The following NLRP1 variants were observed in gnomAD, a reference collection of about 807,000 sequenced individuals.
The protein encoded by NLRP1 is NLR family pyrin domain containing 1, also known as NACHT, LRR and PYD domains-containing protein 1.
In NLRP1, 94 loss-of-function variants were observed where a neutral mutation model predicts 136.7. The observed-to-expected ratio is 0.69, with a 90% CI of 0.58 to 0.82. The LOEUF is 0.82. Among genes scored for constraint, NLRP1 ranks in the 40% least tolerant of loss-of-function variants. NLRP1 has a pLI of 0.00. For synonymous variants in NLRP1, 690 were observed against 725.1 expected (o/e 0.95, Z 0.78); for missense variants, 1,575 against 1,802.7 (o/e 0.87, Z 2.29).
At chr17:5,552,574 C>T (rs1312627164) in intron 5 of NLRP1, among the ~76,000 whole-genome samples, 1 of 152,154 alleles carries the variant, frequency 6.6e-6, no homozygotes. Flanking sequence ...ATGCCACTAT[C>T]CCATGAGTTG....
At chr17:5,516,225 G>A (rs980605127) in intron 15 of NLRP1, among the ~76,000 whole-genome samples, 21 of 152,192 alleles carry the variant, frequency 1.4e-4, no homozygotes, top group Admixed American at 7.2e-4. Context: ...CAGGAGCACC[G>A]GGTCCATGTA....
chr17:5,575,180 TAAAGA>T (rs1904889036), intron 3 of NLRP1, among the ~76,000 whole-genome samples: 1 of 152,106 alleles, frequency 6.6e-6, no homozygotes, highest in South Asian at 2.1e-4. Flanking sequence ...TGCCAAACTG[TAAAGA>T]CCACCAATGC....
chr17:5,575,482 T>G (rs527552022), intron 3 of NLRP1, among the ~76,000 whole-genome samples: 2,699 of 152,202 alleles, frequency 0.018, 74 homozygotes, highest in African/African-American at 0.062. Context: ...TCCTAGTCTC[T>G]GATAAAACAG....
At chr17:5,515,446 C>G (rs1481585748) in intron 16 of NLRP1, 27 bp downstream of exon 16, 2 of 1,597,860 alleles carry the variant, frequency 1.3e-6, no homozygotes, top group Admixed American at 1.7e-5. Flanking sequence ...CCACCGCCTC[C>G]TGTGGTCTCT....
intron 9 of NLRP1, among the ~76,000 whole-genome samples, 183 bp from the exon 10 acceptor site, chr17:5,533,567 T>C (rs867262908): frequency 1.3e-3 from 188 of 150,054 alleles, no homozygotes; most frequent in South Asian, 2.6e-3. Flanking sequence ...TTTTTTTTTT[T>C]TTTTTTTTTA....
chr17:5,513,391 T>A (rs563142142), downstream of NLRP1, among the ~76,000 whole-genome samples: 1 of 152,248 alleles, frequency 6.6e-6, no homozygotes, highest in African/African-American at 2.4e-5. Flanking sequence ...CATGCTTGGC[T>A]TTGATCTCTT....
At chr17:5,507,369 A>G (rs1256928726) in intron 15 of NLRP1, among the ~76,000 whole-genome samples, 1 of 152,204 alleles carries the variant, frequency 6.6e-6, no homozygotes, top group African/African-American at 2.4e-5. Context: ...GCCTTCTAAA[A>G]TCAAAAGAAA....
chr17:5,512,702 C>T (rs79416023), downstream of NLRP1, among the ~76,000 whole-genome samples: 2,416 of 117,256 alleles, frequency 0.021, 61 homozygotes, highest in African/African-American at 0.073. Context: ...GTTCTGTTGT[C>T]ACCGTCTTGA....
At chr17:5,550,186 TGG>T in intron 5 of NLRP1, among the ~76,000 whole-genome samples, 1 of 152,250 alleles carries the variant, frequency 6.6e-6, no homozygotes, top group East Asian at 1.9e-4. Flanking sequence ...AGTCTAATTT[TGG>T]TATCAGGGTA....
intron 14 of NLRP1, chr17:5,518,205 A>G (rs1272602474): frequency 4.2e-6 from 1 of 240,160 alleles, no homozygotes; most frequent in African/African-American, 2.3e-5. Context: ...TGTCTTCCCA[A>G]TGGACCCTAA....
intron 3 of NLRP1, among the ~76,000 whole-genome samples, chr17:5,573,505 G>C (rs1048256750): frequency 2.6e-5 from 4 of 152,210 alleles, no homozygotes; most frequent in African/African-American, 9.6e-5. Context: ...TCTGAGAACA[G>C]ACAGACTGCC....
chr17:5,514,962 C>A lies in NLRP1; in HGVS notation c.4214G>T (p.Gly1405Val). The A allele has an allele frequency of 6.2e-7, 1 of 1,614,214 alleles. No individual in the cohort carries two copies. The highest frequency in any genetic ancestry group is 8.5e-7 in the Non-Finnish European group (1 of 1,180,036). ...SVEVVLDKLH[G>V]QVLSQEQYER... ...GTACTGCTCCTGGCTCAGCACCTGTCCATGCAGTTTGTCCAAGACAACCTC... is the reference window on the plus strand; with the variant it reads ...GTACTGCTCCTGGCTCAGCACCTGTACATGCAGTTTGTCCAAGACAACCTC... Residue 1405 changes from glycine (G) to valine (V), a missense_variant, in exon 17 of 17, where the codon GGA (glycine) becomes GTA (valine). Physicochemically the swap from Gly to Val is moderately radical, Grantham distance 109. Coordinates refer to ENST00000572272, the MANE Select transcript of NLRP1 (RefSeq NM_033004.4).
rs77931590 is a variant in NLRP1 at position 5,544,216 on chromosome 17, G to T, written c.2529-2189C>A. Among the ~76,000 whole-genome samples the T allele has an allele frequency of 3.4e-3, 525 of 152,318 alleles. 5 individuals are homozygous for T. Among genetic ancestry groups the T allele is most frequent in the African/African-American group, 0.012 (481 of 41,560 alleles). On this transcript the variant is annotated intron_variant, in intron 5 of 16. Coordinates refer to ENST00000572272, the MANE Select transcript of NLRP1 (RefSeq NM_033004.4). ...GTGATTATTGCCACGCTTTATCTCTGGTGGGGGCCTGGATCAGGCATGGGT... is the reference window on the plus strand; with the variant it reads ...GTGATTATTGCCACGCTTTATCTCTTGTGGGGGCCTGGATCAGGCATGGGT...
intron 3 of NLRP1, among the ~76,000 whole-genome samples, chr17:5,566,212 G>A (rs1301530124): frequency 1.3e-5 from 2 of 151,708 alleles, no homozygotes; most frequent in African/African-American, 4.8e-5. Flanking sequence ...TCTACTAATA[G>A]TGGGTTTGGT....
chr17:5,553,717 G>A (rs113374869), intron 4 of NLRP1, among the ~76,000 whole-genome samples, 161 bp from the exon 5 acceptor site: 3 of 27,444 alleles, frequency 1.1e-4, no homozygotes, highest in Non-Finnish European at 2.5e-4. Context: ...CTGTCTGCCC[G>A]TCACCCAGGG....
intron 14 of NLRP1, 127 bp downstream of exon 14, chr17:5,520,754 C>T (rs1908788333): frequency 1.1e-6 from 1 of 874,916 alleles, no homozygotes; most frequent in Non-Finnish European, 1.7e-6. Flanking sequence ...TTCTCTAAAT[C>T]CCACTCACTT....
In NLRP1 at chr17:5,559,274, A is replaced by G. The variant is rs1432934346; in HGVS notation, c.1422T>C (p.Arg474=). Residue 474 remains arginine (R), a synonymous_variant, in exon 4 of 17, where the codon CGT becomes CGC. Transcript: ENST00000572272. Reference sequence around the variant, plus strand: ...CAGAGAACCCCAGGACCTCTACCCAACGTGCCTGCTCCAAAGAAGGAATGA... The same window carrying G: ...CAGAGAACCCCAGGACCTCTACCCAGCGTGCCTGCTCCAAAGAAGGAATGA... ...QNLIPSLEQA[R]WVEVLGFSES... is the part of the protein sequence containing the mutation. The G allele has an allele frequency of 1.2e-6, 2 of 1,614,086 alleles. No homozygotes were observed. The highest frequency in any genetic ancestry group is 2.2e-5 in the East Asian group (1 of 44,886).
At chr17:5,552,448 T>C (rs1913492018) in intron 5 of NLRP1, among the ~76,000 whole-genome samples, 1 of 152,164 alleles carries the variant, frequency 6.6e-6, no homozygotes, top group Admixed American at 6.5e-5. Flanking sequence ...TGAAACCTAT[T>C]TGGCAGGTCC....
intron 3 of NLRP1, among the ~76,000 whole-genome samples, chr17:5,579,120 A>G (rs558434404): frequency 0.017 from 2,575 of 151,896 alleles, 69 homozygotes; most frequent in African/African-American, 0.06. Context: ...GTGGGGTTGG[A>G]GGAGGGGGGA....
Sources: gnomAD v4.1 joint callset for allele counts (sites outside exome capture counted in the v4.1 genomes callset) on GRCh38, gnomAD v4.1.1 for gene constraint, MANE v1.5 for transcripts, NCBI Gene and HGNC (gene_info 2026-07-23, HGNC 2026-07-21) for gene names.